TNR: variants seen among roughly 807,000 people sequenced by gnomAD.
TNR encodes tenascin-R.
TNR carries 45 observed loss-of-function variants against 150.4 expected under a neutral mutation model. That is an observed-to-expected ratio of 0.30 (90% CI 0.24 to 0.38). TNR has a LOEUF of 0.38. TNR is among the 10% of genes least tolerant of loss of function. TNR has a pLI of 1.00. For synonymous variants in TNR, 687 were observed against 678.4 expected (o/e 1.01, Z -0.20); for missense variants, 1,544 against 1,759.1 (o/e 0.88, Z 2.19).
intron 1 of TNR, among the ~76,000 whole-genome samples, chr1:175,710,714 G>A (rs973166742): frequency 2.0e-5 from 3 of 152,036 alleles, no homozygotes; most frequent in Non-Finnish European, 4.4e-5. Flanking sequence ...TTTTTAAAAT[G>A]ACTGCAACAG....
chr1:175,438,224 A>G (rs1230624303), intron 2 of TNR, among the ~76,000 whole-genome samples: 2 of 152,234 alleles, frequency 1.3e-5, no homozygotes, highest in Non-Finnish European at 2.9e-5. Flanking sequence ...CTGGTTCAAC[A>G]TATGCAAATC....
At chr1:175,490,314 C>A (rs919914416) in intron 2 of TNR, among the ~76,000 whole-genome samples, 1 of 151,998 alleles carries the variant, frequency 6.6e-6, no homozygotes, top group African/African-American at 2.4e-5. Context: ...CAGGCACAGG[C>A]AAAGATTCCA....
rs560757440 is a variant in TNR, at chr1:175,544,852, T to C, written c.-164-16483A>G. On this transcript the variant is annotated intron_variant, in intron 1 of 22. Transcript: ENST00000367674. Reference sequence around the variant, plus strand: ...CCTGCTTGCTGCAAGTCTTTTGATATCAGGCTTGGGCCATGTGGCTGGCTT... The same window carrying C: ...CCTGCTTGCTGCAAGTCTTTTGATACCAGGCTTGGGCCATGTGGCTGGCTT... 3.3e-5 allele frequency among the ~76,000 whole-genome samples: 5 copies of C among 152,366 alleles called. No homozygotes were observed. The East Asian group carries it at 7.7e-4, about 24-fold the overall frequency.
Position 175,427,731 on chromosome 1 carries a change from T to TTTCCTTCC in TNR, c.-63-20962_-63-20955dup, listed in dbSNP as rs138869758. Reference sequence around the variant, plus strand: ...CCTTCTTCCCTCCTTCTCTCTTTCTTTTCCTTCCTTCCTTCCTTCCTTCCC... The same window carrying TTTCCTTCC: ...CCTTCTTCCCTCCTTCTCTCTTTCTTTTCCTTCCTTCCTTCCTTCCTTCCTTCCTTCCC... On this transcript the variant is annotated intron_variant, in intron 2 of 22. Coordinates refer to ENST00000367674, the MANE Select transcript of TNR (RefSeq NM_003285.3). Among the ~76,000 whole-genome samples, 486 of 126,704 alleles carry TTTCCTTCC rather than the reference T, an allele frequency of 3.8e-3. 4 individuals are homozygous for TTTCCTTCC. Among genetic ancestry groups the TTTCCTTCC allele is most frequent in the African/African-American group, 0.011 (370 of 32,874 alleles). The allele number at this position is 126,704 out of a possible 152,430, so 83.1% of individuals were successfully genotyped here.
chr1:175,509,124 T>C (rs530687814), intron 2 of TNR, among the ~76,000 whole-genome samples: 13 of 152,352 alleles, frequency 8.5e-5, no homozygotes, highest in African/African-American at 3.1e-4. Flanking sequence ...AGGAAACCAG[T>C]ATGAGCCATT....
intron 1 of TNR, among the ~76,000 whole-genome samples, chr1:175,708,675 T>C (rs529189638): frequency 1.3e-5 from 2 of 152,276 alleles, no homozygotes; most frequent in South Asian, 4.1e-4. Context: ...GCCACTGCGA[T>C]GCTGACAGAC....
chr1:175,495,562 T>C (rs1658451622), intron 2 of TNR, among the ~76,000 whole-genome samples: 1 of 152,174 alleles, frequency 6.6e-6, no homozygotes, highest in South Asian at 2.1e-4. Flanking sequence ...TAAATTTCCT[T>C]TCTATAATAC....
At chr1:175,398,718 A>C (rs966983828) in intron 4 of TNR, among the ~76,000 whole-genome samples, 3 of 152,256 alleles carry the variant, frequency 2.0e-5, no homozygotes, top group Admixed American at 1.3e-4. Context: ...GTCAGCAAAC[A>C]TAGAAGCTAG....
chr1:175,476,363 C>T (rs1360104252), intron 2 of TNR, among the ~76,000 whole-genome samples: 1 of 152,186 alleles, frequency 6.6e-6, no homozygotes, highest in Non-Finnish European at 1.5e-5. Flanking sequence ...AAGTACTTTC[C>T]TAGCTCAGAA....
intron 19 of TNR, among the ~76,000 whole-genome samples, chr1:175,336,123 G>A (rs1650237523): frequency 6.6e-6 from 1 of 152,168 alleles, no homozygotes. Flanking sequence ...AAATATCAGG[G>A]GAAATAGGCT....
At chr1:175,680,003 C>T (rs1033412405) in intron 1 of TNR, among the ~76,000 whole-genome samples, 3 of 152,162 alleles carry the variant, frequency 2.0e-5, no homozygotes, top group African/African-American at 7.2e-5. Flanking sequence ...GTAGCCTCCA[C>T]CTAACTACAG....
chr1:175,720,158 A>G (rs964847288), intron 1 of TNR, among the ~76,000 whole-genome samples: 3 of 152,224 alleles, frequency 2.0e-5, no homozygotes, highest in Non-Finnish European at 2.9e-5. Flanking sequence ...TTATGGAAGT[A>G]ATTAAGGTTA....
intron 1 of TNR, among the ~76,000 whole-genome samples, chr1:175,666,679 T>A (rs1302916530): frequency 6.6e-6 from 1 of 152,206 alleles, no homozygotes; most frequent in African/African-American, 2.4e-5. Flanking sequence ...TTCCCACATC[T>A]CTGAAAACCT....
chr1:175,619,653 T>C (rs1663905822), intron 1 of TNR, among the ~76,000 whole-genome samples: 1 of 152,176 alleles, frequency 6.6e-6, no homozygotes, highest in South Asian at 2.1e-4. Context: ...AAACCCACCG[T>C]CTTATAGATG....
At chr1:175,354,604 T>G in intron 17 of TNR, 81 bp from the exon 18 acceptor site, 4 of 1,586,304 alleles carry the variant, frequency 2.5e-6, no homozygotes, top group Non-Finnish European at 3.4e-6. Flanking sequence ...GAAGTCCAAA[T>G]CCCATGGGCA....
intron 1 of TNR, among the ~76,000 whole-genome samples, chr1:175,600,617 C>T (rs1305430809): frequency 2.0e-5 from 3 of 152,218 alleles, no homozygotes; most frequent in African/African-American, 7.2e-5. Context: ...GTATATCCTG[C>T]ACAAAGGTGC....
chr1:175,323,630 A>C (rs554593109), intron 22 of TNR, among the ~76,000 whole-genome samples, 154 bp from the exon 23 acceptor site: 1 of 152,294 alleles, frequency 6.6e-6, no homozygotes, highest in East Asian at 1.9e-4. Context: ...CAATAAAGTG[A>C]AAGGGGCAGA....
At chr1:175,608,808 C>A (rs1309815348) in intron 1 of TNR, among the ~76,000 whole-genome samples, 1 of 152,148 alleles carries the variant, frequency 6.6e-6, no homozygotes, top group African/African-American at 2.4e-5. Context: ...AGTAAAACAG[C>A]AAGACACCAA....
rs543120948 is a variant in TNR at position 175,509,022 on chromosome 1, C to T, written c.-64+19247G>A. Among the ~76,000 whole-genome samples, 4 of 152,282 alleles carry T rather than the reference C, an allele frequency of 2.6e-5. No homozygotes were observed. In the East Asian group the frequency reaches 7.7e-4, roughly 29 times the overall value. ...TCTCCTCAGAAGTAGATGATAGATT[C>T]TTTGAAGGCAGGGACTGTATCTTAA... On this transcript the variant is annotated intron_variant, in intron 2 of 22. Coordinates refer to ENST00000367674, the MANE Select transcript of TNR (RefSeq NM_003285.3).
Sources: allele counts gnomAD v4.1 joint callset (sites outside exome capture counted in the v4.1 genomes callset), GRCh38; gene constraint gnomAD v4.1.1; transcripts MANE v1.5; gene names NCBI Gene and HGNC (gene_info 2026-07-23, HGNC 2026-07-21).